The following SPTBN2 variants were observed in gnomAD, a reference collection of about 807,000 sequenced individuals.
The protein encoded by SPTBN2 is spectrin beta chain, non-erythrocytic 2.
SPTBN2 carries 107 observed loss-of-function variants against 284.2 expected under a neutral mutation model. That is an observed-to-expected ratio of 0.38 (90% CI 0.32 to 0.44). SPTBN2 has a LOEUF of 0.44. Ranked by LOEUF, SPTBN2 falls within the 20% of genes least tolerant of loss-of-function variation. The pLI is 1.00. For synonymous variants in SPTBN2, 1,289 were observed against 1,354.8 expected (o/e 0.95, Z 1.07); for missense variants, 2,569 against 3,287.1 (o/e 0.78, Z 5.34).
intron 29 of SPTBN2, 177 bp from the exon 30 acceptor site, chr11:66,689,357 C>T (rs1019266598): frequency 3.4e-5 from 22 of 651,548 alleles, no homozygotes; most frequent in Middle Eastern, 3.9e-4. Flanking sequence ...TCACTGCAAC[C>T]TCCACCTCCC....
rs78309877 is a variant in SPTBN2 at position 66,715,905 on chromosome 11, C to A, written c.234G>T (p.Val78=). 1 of 1,614,018 alleles carries A rather than the reference C, an allele frequency of 6.2e-7. No individual in the cohort carries two copies. The highest frequency in any genetic ancestry group is 8.5e-7 in the Non-Finnish European group (1 of 1,180,000). ...CCCGGAGGTCGCTGTACAGGTCCCCCACCCGGCACGTGACCCGGGCCAGGT... is the reference window on the plus strand; with the variant it reads ...CCCGGAGGTCGCTGTACAGGTCCCCAACCCGGCACGTGACCCGGGCCAGGT... ...NSHLARVTCR[V]GDLYSDLRDG... Residue 78 remains valine (V), a synonymous_variant, in exon 4 of 38, where the codon GTG becomes GTT. Transcript: ENST00000533211. This position sits in a 1 kb window ranked among gnomAD's most constrained non-coding sequence, Gnocchi z 5.3.
At chr11:66,723,198 T>A (rs528513315) in intron 1 of SPTBN2, among the ~76,000 whole-genome samples, 20 of 151,098 alleles carry the variant, frequency 1.3e-4, no homozygotes, top group African/African-American at 4.9e-4. Flanking sequence ...GAATATCTGC[T>A]GGGGATAAAA....
chr11:66,685,159 A>G lies in SPTBN2; in HGVS notation c.*712T>C, dbSNP rs1043183077. On this transcript the variant is annotated 3_prime_UTR_variant, in exon 38 of 38. Transcript: ENST00000533211. This position sits in a 1 kb window ranked among gnomAD's most constrained non-coding sequence, Gnocchi z 4.4. ...CTTCAAGAGCTTGGAGGCTGGGGAAACGTGAGATGAAGGAGACCAGAACGG... is the reference window on the plus strand; with the variant it reads ...CTTCAAGAGCTTGGAGGCTGGGGAAGCGTGAGATGAAGGAGACCAGAACGG... 8 of 153,516 alleles carry G rather than the reference A, an allele frequency of 5.2e-5. No homozygotes were observed. Among genetic ancestry groups the G allele is most frequent in the African/African-American group, 1.9e-4 (8 of 41,570 alleles). The allele number at this position is 153,516 out of a possible 1,614,324, so 9.5% of individuals were successfully genotyped here.
chr11:66,686,319 G>A (rs375869711), intron 37 of SPTBN2, 79 bp downstream of exon 37: 7 of 1,575,550 alleles, frequency 4.4e-6, no homozygotes, highest in East Asian at 2.2e-5. Flanking sequence ...AAAAGAGGGA[G>A]GACAGGGAAA....
Position 66,688,068 on chromosome 11 carries a change from C to T in SPTBN2, c.6386G>A (p.Arg2129Gln), listed in dbSNP as rs777143650. ...SDTTWDGTQP[R>Q]PPPSTQAPSV... ...GGGTGCTTGTGTGGATGGTGGTGGC[C>T]GTGGCTGGGTTCTGGGATGACCAAA... The change falls in exon 33 of 38, where the codon CGG (arginine) becomes CAG (glutamine). Residue 2129 changes from arginine to glutamine, a missense_variant. Arg to Gln is a conservative substitution (Grantham distance 43). Coordinates refer to ENST00000533211, the MANE Select transcript of SPTBN2 (RefSeq NM_006946.4). 121 of 1,613,948 alleles carry T rather than the reference C, an allele frequency of 7.5e-5. No individual in the cohort carries two copies. The highest frequency in any genetic ancestry group is 9.2e-5 in the Non-Finnish European group (108 of 1,180,022).
chr11:66,733,282 T>G (rs1942826940), upstream of SPTBN2, among the ~76,000 whole-genome samples: 1 of 152,094 alleles, frequency 6.6e-6, no homozygotes. Flanking sequence ...CAAAGATGTG[T>G]GAGAAACCAG....
rs1039133839 is a variant in SPTBN2, at chr11:66,701,565, C to T, written c.2816+19G>A. 25 of 1,614,056 alleles carry T rather than the reference C, an allele frequency of 1.5e-5. No homozygotes were observed. The East Asian group carries it at 5.6e-4, about 36-fold the overall frequency. On this transcript the variant is annotated intron_variant, in intron 16 of 37. Coordinates refer to ENST00000533211, the MANE Select transcript of SPTBN2 (RefSeq NM_006946.4). ...TTCATTTTTCTGTCAGTTTCCTGGT[C>T]CTGCCCTCCCAAACCCACCTGTGGT...
rs1440399518 is a variant in SPTBN2, at chr11:66,683,317, C to T, written c.*2554G>A. On this transcript the variant is annotated 3_prime_UTR_variant, in exon 38 of 38. Transcript: ENST00000533211. ...TCCTGACCTCGTGATCCGCCCGCCT[C>T]GGCCTCCCAAAGTGCTGGGATTACA... 1.3e-5 allele frequency among the ~76,000 whole-genome samples: 2 copies of T among 152,130 alleles called. No homozygotes were observed. Among genetic ancestry groups the T allele is most frequent in the South Asian group, 2.1e-4 (1 of 4,822 alleles).
rs886048550 is a variant in SPTBN2, at chr11:66,698,681, G to A, written c.3972C>T (p.Ala1324=). Residue 1324 remains alanine, a synonymous_variant, in exon 20 of 38, where the codon GCC becomes GCT. Transcript: ENST00000533211. Reference sequence around the variant, plus strand: ...GCCAGTCTTTGTTGGCAGCCAGCTCGGCCATGAATGCCTGGTGCTTCTGCC... The same window carrying A: ...GCCAGTCTTTGTTGGCAGCCAGCTCAGCCATGAATGCCTGGTGCTTCTGCC... ...TKWQKHQAFM[A]ELAANKDWLD... is the part of the protein sequence containing the mutation. 7 of 1,614,126 alleles carry A rather than the reference G, an allele frequency of 4.3e-6. No individual in the cohort carries two copies. The highest frequency in any genetic ancestry group is 2.2e-5 in the East Asian group (1 of 44,900).
rs1003906899 is a variant in SPTBN2, at chr11:66,729,181, G to T, written c.-554C>A. The T allele has an allele frequency of 2.6e-5, 4 of 152,278 alleles. No homozygotes were observed. Among genetic ancestry groups the T allele is most frequent in the African/African-American group, 9.7e-5 (4 of 41,430 alleles). 9.4% of individuals were successfully genotyped at this position (152,278 alleles called of 1,614,324 possible). On this transcript the variant is annotated 5_prime_UTR_variant, in exon 1 of 38. Transcript: ENST00000533211. ...CTAAGGTCCAAGGTCCTTAACCAAG[G>T]TGAACTGCTGCCTGCTTAGGAGAGG...
chr11:66,711,255 C>A (rs2135493535), intron 8 of SPTBN2, among the ~76,000 whole-genome samples: 1 of 152,264 alleles, frequency 6.6e-6, no homozygotes, highest in East Asian at 1.9e-4. Flanking sequence ...GAGCACAAAC[C>A]CCAGAAGCAC....
Position 66,721,352 on chromosome 11 carries a change from G to A in SPTBN2, c.-25C>T, listed in dbSNP as rs748296860. On this transcript the variant is annotated splice_region_variant and 5_prime_UTR_variant, in exon 2 of 38. Coordinates refer to ENST00000533211, the MANE Select transcript of SPTBN2 (RefSeq NM_006946.4). Reference sequence around the variant, plus strand: ...GGCCTTCTGTCTTCTTGCCCTACCTGTGCTCCGCTCTCCTTGTGGCCAGAG... The same window carrying A: ...GGCCTTCTGTCTTCTTGCCCTACCTATGCTCCGCTCTCCTTGTGGCCAGAG... The A allele has an allele frequency of 1.0e-4, 145 of 1,415,940 alleles. No homozygotes were observed. Among genetic ancestry groups the A allele is most frequent in the Non-Finnish European group, 1.3e-4 (134 of 1,007,734 alleles). The allele number at this position is 1,415,940 out of a possible 1,614,324, so 87.7% of individuals were successfully genotyped here.
intron 2 of SPTBN2, 27 bp downstream of exon 2, chr11:66,721,323 C>G: frequency 6.4e-7 from 1 of 1,569,318 alleles, no homozygotes. Context: ...CCACTCACCA[C>G]CGGGGCCTTC....
At chr11:66,688,477 G>A (rs118144481) in intron 31 of SPTBN2, among the ~76,000 whole-genome samples, 166 bp from the exon 32 acceptor site, 21 of 152,132 alleles carry the variant, frequency 1.4e-4, no homozygotes, top group East Asian at 5.8e-4. Flanking sequence ...AAGGTGTCTC[G>A]GCATCACCCA....
chr11:66,717,841 C>G (rs1236175661), intron 3 of SPTBN2, among the ~76,000 whole-genome samples: 1 of 152,184 alleles, frequency 6.6e-6, no homozygotes, highest in Non-Finnish European at 1.5e-5. Context: ...ACACACACAA[C>G]AGTGATTCCC....
At chr11:66,730,430 A>G (rs1942789355), upstream of SPTBN2, among the ~76,000 whole-genome samples, 1 of 152,008 alleles carries the variant, frequency 6.6e-6, no homozygotes, top group South Asian at 2.1e-4. Context: ...AAAAATACAC[A>G]AATTAGCCAG....
Position 66,687,802 on chromosome 11 carries a change from C to T in SPTBN2, c.6501+66G>A. Reference sequence around the variant, plus strand: ...CCCATCCCCAGTACTCCCCCACCCGCACTCACCACCCCCTCTGGACCCTTC... The same window carrying T: ...CCCATCCCCAGTACTCCCCCACCCGTACTCACCACCCCCTCTGGACCCTTC... On this transcript the variant is annotated intron_variant, in intron 34 of 37. Transcript: ENST00000533211. This position sits in a 1 kb window ranked among gnomAD's most constrained non-coding sequence, Gnocchi z 5.2. 6.2e-7 allele frequency: 1 copy of T among 1,607,226 alleles called. No individual in the cohort carries two copies. The highest frequency in any genetic ancestry group is 8.5e-7 in the Non-Finnish European group (1 of 1,173,876).
Position 66,707,497 on chromosome 11 carries a change from C to T in SPTBN2, c.1653+19G>A. On this transcript the variant is annotated intron_variant, in intron 13 of 37. Coordinates refer to ENST00000533211, the MANE Select transcript of SPTBN2 (RefSeq NM_006946.4). The surrounding 1 kb of genome is among the most constrained non-coding windows in gnomAD (Gnocchi z 4.9). ...GACTCTTGATCACTCTTACCCCACC[C>T]AGCACGCCTCACTGGTACCTTCATC... 2 of 1,584,144 alleles carry T rather than the reference C, an allele frequency of 1.3e-6. No homozygotes were observed. Among genetic ancestry groups the T allele is most frequent in the East Asian group, 2.3e-5 (1 of 43,654 alleles).
At position 66,707,698 on chromosome 11, in the gene SPTBN2, G is replaced by T; in HGVS notation, c.1471C>A (p.Leu491Met). 1.2e-6 allele frequency: 2 copies of T among 1,605,320 alleles called. No individual in the cohort carries two copies. The highest frequency in any genetic ancestry group is 1.7e-6 in the Non-Finnish European group (2 of 1,179,090). Reference sequence around the variant, plus strand: ...ATGTCGTGGTAGCGCTCGGCGGCCAGCTCTGCAGCCACGGCGTCCACTGCC... The same window carrying T: ...ATGTCGTGGTAGCGCTCGGCGGCCATCTCTGCAGCCACGGCGTCCACTGCC... ...VQAVDAVAAELAAERYHDIKR... is the reference protein window; with the variant it reads ...VQAVDAVAAEMAAERYHDIKR... The change falls in exon 13 of 38, where the codon CTG becomes ATG. Residue 491 changes from leucine to methionine, a missense_variant. Transcript: ENST00000533211. This position sits in a 1 kb window ranked among gnomAD's most constrained non-coding sequence, Gnocchi z 4.9.
Sources: allele counts gnomAD v4.1 joint callset (sites outside exome capture counted in the v4.1 genomes callset), GRCh38; gene constraint gnomAD v4.1.1; non-coding constraint Gnocchi (gnomAD v3.1); transcripts MANE v1.5; gene names NCBI Gene and HGNC (gene_info 2026-07-23, HGNC 2026-07-21).